The following SCN2A variants were observed in gnomAD, a reference collection of about 807,000 sequenced individuals.
The protein encoded by SCN2A is sodium channel protein type 2 subunit alpha.
In SCN2A, 20 loss-of-function variants were observed where a neutral mutation model predicts 188.7. That is an observed-to-expected ratio of 0.11 (90% CI 0.07 to 0.15). The LOEUF is 0.15. Among genes scored for constraint, SCN2A ranks in the 10% least tolerant of loss-of-function variants. The pLI is 1.00. For missense variants in SCN2A, 1,278 were observed against 2,445.0 expected (o/e 0.52, Z 10.07); for synonymous variants, 804 against 833.1 (o/e 0.97, Z 0.60).
chr2:165,252,291 AC>A (rs1183343567), intron 1 of SCN2A, among the ~76,000 whole-genome samples: 1 of 152,042 alleles, frequency 6.6e-6, no homozygotes, highest in Non-Finnish European at 1.5e-5. Flanking sequence ...TATAGAGGGG[AC>A]TTTCTGTCAA....
intron 1 of SCN2A, among the ~76,000 whole-genome samples, chr2:165,264,548 G>T (rs151211639): frequency 6.6e-6 from 1 of 152,134 alleles, no homozygotes; most frequent in East Asian, 1.9e-4. Context: ...TTGTACAGAT[G>T]ATTTCATCAC....
intron 14 of SCN2A, among the ~76,000 whole-genome samples, chr2:165,338,965 A>T (rs562219212): frequency 6.6e-6 from 1 of 152,222 alleles, no homozygotes; most frequent in African/African-American, 2.4e-5. Flanking sequence ...TCACGCCTGT[A>T]ATCCCAGCAC....
At chr2:165,292,033 A>T (rs1696239238) in intron 1 of SCN2A, among the ~76,000 whole-genome samples, 1 of 152,076 alleles carries the variant, frequency 6.6e-6, no homozygotes, top group Non-Finnish European at 1.5e-5. Context: ...TAGGGAAGCT[A>T]CGGCTAAGAG....
chr2:165,374,327 G>T (rs1433958619), intron 21 of SCN2A, among the ~76,000 whole-genome samples: 1 of 152,054 alleles, frequency 6.6e-6, no homozygotes, highest in African/African-American at 2.4e-5. Context: ...ATTTTGGACA[G>T]CAAATTGTAT....
chr2:165,296,149 C>G, intron 2 of SCN2A, 59 bp downstream of exon 2: 1 of 1,532,312 alleles, frequency 6.5e-7, no homozygotes. Context: ...TGGGCTAGTC[C>G]CAGGGATGAT....
chr2:165,331,315 C>CT lies in SCN2A; in HGVS notation c.2150-8dup, dbSNP rs746100466. On this transcript the variant is annotated splice_polypyrimidine_tract_variant and intron_variant, in intron 13 of 26. Coordinates refer to ENST00000375437, the MANE Select transcript of SCN2A (RefSeq NM_001040142.2). ...TAAGCAGTTTTCATGAGGATTCTAACTTTTTTTCTTCCAGAACTTGAAGAA... is the reference window on the plus strand; with the variant it reads ...TAAGCAGTTTTCATGAGGATTCTAACTTTTTTTTCTTCCAGAACTTGAAGAA... The CT allele has an allele frequency of 1.9e-6, 3 of 1,592,272 alleles. No homozygotes were observed.
At chr2:165,306,216 G>A (rs1280507379) in intron 3 of SCN2A, among the ~76,000 whole-genome samples, 1 of 152,128 alleles carries the variant, frequency 6.6e-6, no homozygotes, top group Non-Finnish European at 1.5e-5. Context: ...AGGGTTGGAA[G>A]CTGGAGGAAA....
chr2:165,378,776 C>T (rs1489955623), intron 23 of SCN2A, among the ~76,000 whole-genome samples: 1 of 147,898 alleles, frequency 6.8e-6, no homozygotes, highest in Non-Finnish European at 1.5e-5. Context: ...CTGCAAAACT[C>T]CTGGAATTTC....
Position 165,389,740 on chromosome 2 carries a change from G to T in SCN2A, c.5934G>T (p.Val1978=). The change falls in exon 27 of 27, where the codon GTG becomes GTT. Residue 1978 remains valine (V), a synonymous_variant. Coordinates refer to ENST00000375437, the MANE Select transcript of SCN2A (RefSeq NM_001040142.2). This position sits in a 1 kb window ranked among gnomAD's most constrained non-coding sequence, Gnocchi z 4.2. ...STTSPPSYDS[V]TKPEKEKFEK... ...CGTCTCCACCCTCGTATGATAGTGT[G>T]ACCAAACCAGAAAAAGAAAAATTTG... The T allele has an allele frequency of 1.2e-6, 2 of 1,613,354 alleles. No homozygotes were observed. Among genetic ancestry groups the T allele is most frequent in the African/African-American group, 1.3e-5 (1 of 74,888 alleles).
intron 3 of SCN2A, among the ~76,000 whole-genome samples, chr2:165,306,699 A>T (rs1697160266): frequency 6.6e-6 from 1 of 152,106 alleles, no homozygotes; most frequent in Admixed American, 6.6e-5. Flanking sequence ...TATTGTTTTG[A>T]CTAAAACCAG....
intron 25 of SCN2A, among the ~76,000 whole-genome samples, chr2:165,383,853 A>G (rs1004229512): frequency 3.9e-5 from 6 of 152,108 alleles, no homozygotes; most frequent in Admixed American, 3.3e-4. Flanking sequence ...AAGTGGTGAG[A>G]AAATTGGAGA....
intron 25 of SCN2A, among the ~76,000 whole-genome samples, chr2:165,381,904 C>T (rs918209088): frequency 2.6e-5 from 4 of 151,906 alleles, no homozygotes; most frequent in African/African-American, 4.8e-5. Context: ...CCAACGTATA[C>T]GTGGTATAAA....
intron 1 of SCN2A, chr2:165,272,989 T>A (rs1026903789): frequency 3.3e-5 from 5 of 152,062 alleles, no homozygotes; most frequent in African/African-American, 9.7e-5. Context: ...AGGCTGAGAA[T>A]TATAGGAATT....
chr2:165,326,135 T>C (rs1352078625), intron 12 of SCN2A, among the ~76,000 whole-genome samples: 2 of 152,152 alleles, frequency 1.3e-5, no homozygotes, highest in Non-Finnish European at 2.9e-5. Context: ...TTTCCACCCA[T>C]GTTGAAATCC....
At chr2:165,314,233 G>C (rs373419267) in intron 10 of SCN2A, 125 bp downstream of exon 10, 1 of 930,540 alleles carries the variant, frequency 1.1e-6, no homozygotes. Context: ...AGTGCTAGGA[G>C]CCTGTTTGGT....
chr2:165,337,791 T>C (rs1699081525), intron 14 of SCN2A, among the ~76,000 whole-genome samples: 1 of 152,102 alleles, frequency 6.6e-6, no homozygotes, highest in Non-Finnish European at 1.5e-5. Flanking sequence ...CTACAAGAAA[T>C]GTTAATGGAA....
intron 1 of SCN2A, chr2:165,272,764 T>TCACACACA (rs71912251): frequency 8.2e-4 from 121 of 148,434 alleles, no homozygotes; most frequent in African/African-American, 2.9e-3. Context: ...AAGAGGGAAA[T>TCACACACA]CACACACACA....
chr2:165,283,993 A>G (rs1007743708), intron 1 of SCN2A, among the ~76,000 whole-genome samples: 2 of 152,046 alleles, frequency 1.3e-5, no homozygotes, highest in African/African-American at 2.4e-5. Context: ...TTGACATTAC[A>G]TGAAGAAATG....
chr2:165,320,750 C>T (rs916992510), intron 11 of SCN2A, among the ~76,000 whole-genome samples: 4 of 152,196 alleles, frequency 2.6e-5, no homozygotes, highest in African/African-American at 9.6e-5. Flanking sequence ...AGATACAGGG[C>T]ACCAAGTTCC....
Sources: gnomAD v4.1 joint callset for allele counts (sites outside exome capture counted in the v4.1 genomes callset) on GRCh38, gnomAD v4.1.1 for gene constraint, Gnocchi (gnomAD v3.1) non-coding constraint, MANE v1.5 for transcripts, NCBI Gene and HGNC (gene_info 2026-07-23, HGNC 2026-07-21) for gene names.